ABCG1: variants seen among roughly 807,000 people sequenced by gnomAD.
The protein encoded by ABCG1 is ATP binding cassette subfamily G member 1.
In ABCG1, 29 loss-of-function variants were observed where a neutral mutation model predicts 69.2. That is an observed-to-expected ratio of 0.42 (90% CI 0.31 to 0.57). The LOEUF (loss-of-function observed/expected upper bound fraction) is 0.57. Ranked by LOEUF, ABCG1 falls within the 20% of genes least tolerant of loss-of-function variation. ABCG1 has a pLI of 0.15. For missense variants in ABCG1, 718 were observed against 898.1 expected (o/e 0.80, Z 2.56); for synonymous variants, 370 against 374.8 (o/e 0.99, Z 0.15).
intron 2 of ABCG1, among the ~76,000 whole-genome samples, chr21:42,210,716 C>A (rs146549041): frequency 6.9e-6 from 1 of 145,390 alleles, no homozygotes; most frequent in Non-Finnish European, 1.5e-5. Context: ...CTGCCGCCCC[C>A]CTCCCTCCAC....
At chr21:42,263,667 G>A (rs1026550609) in intron 2 of ABCG1, among the ~76,000 whole-genome samples, 3 of 152,234 alleles carry the variant, frequency 2.0e-5, no homozygotes, top group African/African-American at 7.2e-5. Context: ...CCCACTTGGG[G>A]AGGGGTTTGT....
At chr21:42,202,072 T>C (rs2067510928) in intron 2 of ABCG1, among the ~76,000 whole-genome samples, 1 of 152,210 alleles carries the variant, frequency 6.6e-6, no homozygotes. Flanking sequence ...CCCTGCCCTC[T>C]GCAATGTCAT....
chr21:42,221,698 G>T (rs1042804679), intron 1 of ABCG1, among the ~76,000 whole-genome samples: 7 of 152,214 alleles, frequency 4.6e-5, no homozygotes, highest in African/African-American at 1.7e-4. Flanking sequence ...GCTTAGGCAG[G>T]TACCAAGGCT....
rs781254615 is a variant in ABCG1 at position 42,225,882 on chromosome 21, C to T, written c.254C>T (p.Ser85Leu). The T allele has an allele frequency of 7.4e-6, 12 of 1,613,236 alleles. No homozygotes were observed. The Admixed American group carries it at 8.3e-5, about 11-fold the overall frequency. Reference sequence around the variant, plus strand: ...ATTGAATTCAGGGACCTTTCCTATTCGGTTCCTGAAGGACCCTGGTGGAGG... The same window carrying T: ...ATTGAATTCAGGGACCTTTCCTATTTGGTTCCTGAAGGACCCTGGTGGAGG... The part of the protein sequence containing the change: ...VNIEFRDLSY[S>L]VPEGPWWRKK... The change falls in exon 2 of 15, where the codon TCG (serine) becomes TTG (leucine). Residue 85 changes from serine (S) to leucine (L), a missense_variant. This residue lies in a region of ABCG1 where 514 missense variants were observed against 574.3 expected (regional missense o/e 0.90). Coordinates refer to ENST00000398449, the MANE Select transcript of ABCG1 (RefSeq NM_016818.3).
rs772630979 is a variant in ABCG1, at chr21:42,288,077, A to G, written c.1122+40A>G. The G allele has an allele frequency of 6.2e-7, 1 of 1,604,144 alleles. No homozygotes were observed. The highest frequency in any genetic ancestry group is 8.5e-7 in the Non-Finnish European group (1 of 1,172,330). On this transcript the variant is annotated intron_variant, in intron 9 of 14. Coordinates refer to ENST00000398449, the MANE Select transcript of ABCG1 (RefSeq NM_016818.3). The surrounding 1 kb of genome is among the most constrained non-coding windows in gnomAD (Gnocchi z 4.8). ...ACGATTAAAGGGGTTGAGAAAGGTA[A>G]TGCAAATCCCGAAGCCCCCTGGGGG...
chr21:42,219,978 A>C lies in ABCG1; in HGVS notation c.42+674A>C. On this transcript the variant is annotated intron_variant, in intron 1 of 14. Transcript: ENST00000398449. This position sits in a 1 kb window ranked among gnomAD's most constrained non-coding sequence, Gnocchi z 5.3. ...AGACGCGGTGGGGACAGGGATGCGC[A>C]TTTCACTTCCCCGAGCTCCGGAGAG... is the stretch of plus-strand genomic sequence containing the variant. 1 of 1,552,582 alleles carries C rather than the reference A, an allele frequency of 6.4e-7. No homozygotes were observed. The highest frequency in any genetic ancestry group is 8.7e-7 in the Non-Finnish European group (1 of 1,147,422).
intron 3 of ABCG1, among the ~76,000 whole-genome samples, chr21:42,272,732 G>T (rs916576655): frequency 2.0e-5 from 3 of 152,164 alleles, no homozygotes; most frequent in Non-Finnish European, 4.4e-5. Flanking sequence ...TGCCTGCCTT[G>T]CATGAGCACC....
intron 2 of ABCG1, chr21:42,260,166 G>A (rs759253152): frequency 3.2e-6 from 5 of 1,550,372 alleles, no homozygotes; most frequent in South Asian, 1.2e-5. Flanking sequence ...TTGCTTCTCG[G>A]GTGAAGCTGG....
chr21:42,201,349 T>G (rs2067504558), intron 1 of ABCG1, among the ~76,000 whole-genome samples: 1 of 152,174 alleles, frequency 6.6e-6, no homozygotes, highest in South Asian at 2.1e-4. Flanking sequence ...AATAGGGTTT[T>G]CACTCCTATG....
At chr21:42,261,284 G>A (rs1009334939) in intron 2 of ABCG1, among the ~76,000 whole-genome samples, 6 of 152,066 alleles carry the variant, frequency 3.9e-5, no homozygotes, top group Non-Finnish European at 8.8e-5. Context: ...CATTTGTGAG[G>A]GGATTTCAGA....
chr21:42,275,440 G>A (rs985211151), intron 4 of ABCG1, among the ~76,000 whole-genome samples: 6 of 152,230 alleles, frequency 3.9e-5, no homozygotes, highest in South Asian at 2.1e-4. Flanking sequence ...CAAAGCAGTC[G>A]TGAAGTTTTT....
intron 13 of ABCG1, among the ~76,000 whole-genome samples, chr21:42,293,112 A>G (rs1227475320): frequency 1.4e-5 from 2 of 140,270 alleles, no homozygotes; most frequent in Non-Finnish European, 3.1e-5. Context: ...GGTACACACC[A>G]CACACTACAC....
chr21:42,288,801 A>G lies in ABCG1; in HGVS notation c.1224+489A>G, dbSNP rs1237978917. On this transcript the variant is annotated intron_variant, in intron 10 of 14. Coordinates refer to ENST00000398449, the MANE Select transcript of ABCG1 (RefSeq NM_016818.3). This position sits in a 1 kb window ranked among gnomAD's most constrained non-coding sequence, Gnocchi z 4.8. ...AAAGGAAAAAAGAAAGAAAGAAAGA[A>G]ATGCCTGAGCCTGGGGAATTTATAA... Among the ~76,000 whole-genome samples, 1 of 152,098 alleles carries G rather than the reference A, an allele frequency of 6.6e-6. No individual in the cohort carries two copies. Among genetic ancestry groups the G allele is most frequent in the Non-Finnish European group, 1.5e-5 (1 of 68,000 alleles).
At chr21:42,252,703 C>T (rs225375) in intron 2 of ABCG1, among the ~76,000 whole-genome samples, 4,482 of 152,190 alleles carry the variant, frequency 0.029, 69 homozygotes, top group Non-Finnish European at 0.038. Context: ...CTTCCTGGCC[C>T]GGTGACTGCA....
At chr21:42,267,594 A>ATCTGGGTTCTGTCTGGGTGTGG (rs1569227526) in intron 2 of ABCG1, among the ~76,000 whole-genome samples, 5 of 35,342 alleles carry the variant, frequency 1.4e-4, no homozygotes, top group East Asian at 9.1e-4. Context: ...TCTGGGTCTG[A>ATCTGGGTTCTGTCTGGGTGTGG]TCTGGGTTCT....
intron 13 of ABCG1, among the ~76,000 whole-genome samples, chr21:42,292,950 G>A (rs1287256389): frequency 2.3e-5 from 1 of 43,614 alleles, no homozygotes; most frequent in Admixed American, 2.9e-4. Context: ...AAACACATAC[G>A]ACACTACACA....
chr21:42,264,104 G>A lies in ABCG1; in HGVS notation c.287-6966G>A, dbSNP rs146536797. On this transcript the variant is annotated intron_variant, in intron 2 of 14. Transcript: ENST00000398449. ...CAGAAGAAGACGTGCGTCACATGGC[G>A]GCTGTCGGATGCCCTGCTCATCTGG... 1.1e-4 allele frequency among the ~76,000 whole-genome samples: 17 copies of A among 152,316 alleles called. No individual in the cohort carries two copies. In the South Asian group the frequency reaches 1.9e-3, roughly 17 times the overall value.
chr21:42,280,596 C>T (rs225409), intron 5 of ABCG1, among the ~76,000 whole-genome samples: 17,552 of 152,248 alleles, frequency 0.12, 1,210 homozygotes, highest in African/African-American at 0.18. Context: ...AAACAGAACC[C>T]TTCTGGGTGG....
chr21:42,215,136 G>T (rs1187354155), upstream of ABCG1, among the ~76,000 whole-genome samples: 3 of 152,236 alleles, frequency 2.0e-5, no homozygotes, highest in Admixed American at 6.5e-5. Context: ...GAGACCTGTT[G>T]TTGGGGTCCT....
Sources: allele counts gnomAD v4.1 joint callset (sites outside exome capture counted in the v4.1 genomes callset), GRCh38; gene constraint gnomAD v4.1.1; regional missense constraint gnomAD v4.1.1; non-coding constraint Gnocchi (gnomAD v3.1); transcripts MANE v1.5; gene names NCBI Gene and HGNC (gene_info 2026-07-23, HGNC 2026-07-21).